PIGA: variants seen among roughly 807,000 people sequenced by gnomAD.
PIGA encodes phosphatidylinositol N-acetylglucosaminyltransferase subunit A.
A neutral mutation model predicts 17.1 loss-of-function variants in PIGA; 3 were observed. The observed-to-expected ratio is 0.18, with a 90% CI of 0.08 to 0.45. The LOEUF is 0.45. PIGA is among the 20% of genes least tolerant of loss of function. PIGA has a pLI of 0.99. For synonymous variants in PIGA, 126 were observed against 135.1 expected, an observed-to-expected ratio of 0.93 and a Z score of 0.47; for missense variants, 231 against 374.1, an observed-to-expected ratio of 0.62 and a Z score of 3.16.
chrX:15,331,946 A>G lies in PIGA; in HGVS notation c.-16T>C. 1.7e-6 allele frequency: 2 copies of G among 1,181,555 alleles called. No individual in the cohort carries two copies. Among genetic ancestry groups the G allele is most frequent in the South Asian group, 1.9e-5 (1 of 52,195 alleles). ...TACAGGCCATGCTGAGACGGTTTAGACATCAGTTCTTAGAGCAACCCAGTT... is the reference window on the plus strand; with the variant it reads ...TACAGGCCATGCTGAGACGGTTTAGGCATCAGTTCTTAGAGCAACCCAGTT... On this transcript the variant is annotated 5_prime_UTR_variant, in exon 2 of 6. Transcript: ENST00000333590.
At chrX:15,331,029 A>T in intron 2 of PIGA, 187 bp downstream of exon 2, 1 of 397,664 alleles carries the variant, frequency 2.5e-6, no homozygotes, top group Non-Finnish European at 4.4e-6. Flanking sequence ...GACAGCATTC[A>T]CCACCATCCT....
rs747478493 is a variant in PIGA, at chrX:15,331,666, C to T, written c.265G>A (p.Val89Ile). 1.7e-6 allele frequency: 2 copies of T among 1,211,745 alleles called. No homozygotes were observed. The highest frequency in any genetic ancestry group is 2.2e-5 in the Admixed American group (1 of 46,078). The part of the protein sequence containing the change: ...GIRYLTSGLK[V>I]YYLPLKVMYN... ...ATGACTTTCAGAGGCAAGTAATAGA[C>T]TTTGAGGCCACTGGTGAGGTAACGG... is the stretch of plus-strand genomic sequence containing the variant. The change falls in exon 2 of 6, where the codon GTC becomes ATC. Residue 89 changes from valine (V) to isoleucine (I), a missense_variant. Transcript: ENST00000333590.
In PIGA at chrX:15,331,592, G is replaced by T; in HGVS notation, c.339C>A (p.Leu113=). The T allele has an allele frequency of 8.3e-7, 1 of 1,211,845 alleles. No individual in the cohort carries two copies. Among genetic ancestry groups the T allele is most frequent in the South Asian group, 1.8e-5 (1 of 57,012 alleles). Residue 113 remains leucine, a synonymous_variant, in exon 2 of 6, where the codon CTC becomes CTA. Coordinates refer to ENST00000333590, the MANE Select transcript of PIGA (RefSeq NM_002641.4). Reference sequence around the variant, plus strand: ...CTCTCTCCCGAACAAATATGTACCTGAGCAATGGCAGACTGTGAAAGAGGG... The same window carrying T: ...CTCTCTCCCGAACAAATATGTACCTTAGCAATGGCAGACTGTGAAAGAGGG... ...ATTLFHSLPL[L]RYIFVRERVT...
At chrX:15,335,302 G>A in intron 1 of PIGA, 199 bp downstream of exon 1, 1 of 339,327 alleles carries the variant, frequency 2.9e-6, no homozygotes. Flanking sequence ...CCACCCGCCT[G>A]AGCCAAGGAA....
chrX:15,325,196 G>A, intron 3 of PIGA, 44 bp from the exon 4 acceptor site: 1 of 1,105,011 alleles, frequency 9.0e-7, no homozygotes, highest in Non-Finnish European at 1.2e-6. Flanking sequence ...GAAAACTCAT[G>A]CTACAAAAGA....
chrX:15,324,321 G>A (rs753578311), intron 5 of PIGA, among the ~76,000 whole-genome samples: 2 of 112,402 alleles, frequency 1.8e-5, no homozygotes, highest in South Asian at 3.7e-4. Flanking sequence ...AGAGATGTTT[G>A]CTTTAGAATT....
Position 15,331,526 on chromosome X carries a change from G to T in PIGA, c.405C>A (p.Ala135=). The T allele has an allele frequency of 8.3e-7, 1 of 1,211,150 alleles. No homozygotes were observed. Among genetic ancestry groups the T allele is most frequent in the East Asian group, 3.0e-5 (1 of 33,854 alleles). Residue 135 remains alanine (A), a synonymous_variant, in exon 2 of 6, where the codon GCC becomes GCA. Coordinates refer to ENST00000333590, the MANE Select transcript of PIGA (RefSeq NM_002641.4). ...IHSHSSFSAM[A]HDALFHAKTM... Reference sequence around the variant, plus strand: ...TCTTGGCGTGGAAGAGAGCATCATGGGCCATAGCAGAAAAAGAACTATGTG... The same window carrying T: ...TCTTGGCGTGGAAGAGAGCATCATGTGCCATAGCAGAAAAAGAACTATGTG...
chrX:15,330,587 G>A (rs1298123938), intron 2 of PIGA, among the ~76,000 whole-genome samples: 1 of 111,544 alleles, frequency 9.0e-6, no homozygotes, highest in Non-Finnish European at 1.9e-5. Flanking sequence ...AGCCATCTGT[G>A]AGCTCTGCCC....
intron 3 of PIGA, 50 bp downstream of exon 3, chrX:15,325,864 A>C: frequency 4.6e-6 from 5 of 1,085,052 alleles, no homozygotes; most frequent in Non-Finnish European, 6.2e-6. Flanking sequence ...AAAACCAAAT[A>C]GAGATAATTG....
intron 1 of PIGA, among the ~76,000 whole-genome samples, chrX:15,332,258 T>A (rs1464240559): frequency 2.7e-5 from 3 of 112,468 alleles, no homozygotes; most frequent in Non-Finnish European, 5.6e-5. Flanking sequence ...CCACAGCATA[T>A]CATGGTTTAC....
intron 1 of PIGA, 41 bp downstream of exon 1, chrX:15,335,460 G>C: frequency 4.0e-6 from 4 of 988,162 alleles, no homozygotes; most frequent in Non-Finnish European, 5.1e-6. Context: ...ATCCGAAAGC[G>C]GCCCAGAGCG....
At chrX:15,329,104 ACCAAGGCCCACATCTAGATTTTAGG>A (rs1922073156) in intron 2 of PIGA, 2 of 112,124 alleles carry the variant, frequency 1.8e-5, no homozygotes, top group African/African-American at 6.5e-5. Flanking sequence ...ACGTAAACTG[ACCAAGGCCCACATCTAGATTTTAGG>A]CCACTCCCTA....
chrX:15,327,002 G>A (rs1403730895), intron 2 of PIGA: 1 of 111,995 alleles, frequency 8.9e-6, no homozygotes, highest in Non-Finnish European at 1.9e-5. Context: ...TGTAATCCCA[G>A]TAATCCCAGC....
At chrX:15,326,492 A>C (rs1921977506) in intron 2 of PIGA, 1 of 112,130 alleles carries the variant, frequency 8.9e-6, no homozygotes, top group Admixed American at 9.5e-5. Context: ...AAGATCTATA[A>C]AATAAAGATA....
rs1555946148 is a variant in PIGA, at chrX:15,335,484, G to A, written c.-63+17C>T. The A allele has an allele frequency of 5.1e-6, 5 of 985,469 alleles. No individual in the cohort carries two copies. Among genetic ancestry groups the A allele is most frequent in the Non-Finnish European group, 5.1e-6 (4 of 781,289 alleles). 81.2% of individuals were successfully genotyped at this position (985,469 alleles called of 1,213,427 possible). A position where few individuals can be genotyped will look rare whatever the true frequency, so the allele number is the denominator to read the frequency against. ...CGGCCCAGAGCGCTGGAGAGGGGCG[G>A]CGCGACGCGCACTCACCGGTGAGTT... is the stretch of plus-strand genomic sequence containing the variant. On this transcript the variant is annotated intron_variant, in intron 1 of 5. Coordinates refer to ENST00000333590, the MANE Select transcript of PIGA (RefSeq NM_002641.4).
intron 5 of PIGA, among the ~76,000 whole-genome samples, chrX:15,322,952 AG>A (rs1921861313): frequency 2.7e-5 from 3 of 112,251 alleles, no homozygotes; most frequent in African/African-American, 9.7e-5. Flanking sequence ...GCTTTATTTC[AG>A]GTCAATTAAT....
chrX:15,322,980 G>C (rs1602207347), intron 5 of PIGA, among the ~76,000 whole-genome samples: 1 of 111,943 alleles, frequency 8.9e-6, no homozygotes, highest in Admixed American at 9.5e-5. Flanking sequence ...ATAGTTTTAA[G>C]TGATAAAATA....
In PIGA at chrX:15,321,425, A is replaced by C. The variant is rs192931358; in HGVS notation, c.*81T>G. On this transcript the variant is annotated 3_prime_UTR_variant, in exon 6 of 6. Transcript: ENST00000333590. ...CTAAATTAACTCTAAAAAAACAAAAACCCCCCAAAAGCAAGGTTATTTTCC... is the reference window on the plus strand; with the variant it reads ...CTAAATTAACTCTAAAAAAACAAAACCCCCCCAAAAGCAAGGTTATTTTCC... 4,072 of 887,704 alleles carry C rather than the reference A, an allele frequency of 4.6e-3. 100 individuals are homozygous for C. The Admixed American group carries it at 0.079, about 17-fold the overall frequency. The allele number at this position is 887,704 out of a possible 1,213,427, so 73.2% of individuals were successfully genotyped here.
At chrX:15,334,646 G>A (rs1163866821) in intron 1 of PIGA, among the ~76,000 whole-genome samples, 3 of 111,823 alleles carry the variant, frequency 2.7e-5, no homozygotes, top group Non-Finnish European at 3.8e-5. Flanking sequence ...ACCTAAACCC[G>A]AACTTCCAGT....
Sources: allele counts gnomAD v4.1 joint callset (sites outside exome capture counted in the v4.1 genomes callset), GRCh38; gene constraint gnomAD v4.1.1; transcripts MANE v1.5; gene names NCBI Gene and HGNC (gene_info 2026-07-23, HGNC 2026-07-21).